RTL10: variants seen among roughly 807,000 people sequenced by gnomAD.
RTL10 encodes the protein retrotransposon Gag like 10.
For missense variants in RTL10, 477 were observed against 470.7 expected, an observed-to-expected ratio of 1.01 and a Z score of -0.12; for synonymous variants, 199 against 188.4, an observed-to-expected ratio of 1.06 and a Z score of -0.46.
Position 19,852,182 on chromosome 22 carries a change from C to A in RTL10, c.80G>T (p.Trp27Leu). Residue 27 changes from tryptophan (W) to leucine (L), a missense_variant, in exon 3 of 3, where the codon TGG (tryptophan) becomes TTG (leucine). Transcript: ENST00000328554. ...AAANYANAHP[W>L]QQMDKASPGV... ...AGGAGACGCCTTGTCCATCTGCTGCCATGGATGTGCGTTGGCATAATTGGC... is the reference window on the plus strand; with the variant it reads ...AGGAGACGCCTTGTCCATCTGCTGCAATGGATGTGCGTTGGCATAATTGGC... 6.2e-7 allele frequency: 1 copy of A among 1,613,978 alleles called. No individual in the cohort carries two copies. The highest frequency in any genetic ancestry group is 8.5e-7 in the Non-Finnish European group (1 of 1,180,026).
At position 19,848,917 on chromosome 22, in the gene RTL10, C is replaced by T. The variant is rs1938028631; in HGVS notation, c.*2250G>A. 1 of 985,092 alleles carries T rather than the reference C, an allele frequency of 1.0e-6. No individual in the cohort carries two copies. The highest frequency in any genetic ancestry group is 1.7e-5 in the African/African-American group (1 of 57,234). 61.0% of individuals were successfully genotyped at this position (985,092 alleles called of 1,614,324 possible). A position where few individuals can be genotyped will look rare whatever the true frequency, so the allele number is the denominator to read the frequency against. ...GGTAAAGGTCAGCTGGGTGACTAGGCTGTCCATCCTAGAGAGCAACTCTGG... is the reference window on the plus strand; with the variant it reads ...GGTAAAGGTCAGCTGGGTGACTAGGTTGTCCATCCTAGAGAGCAACTCTGG... On this transcript the variant is annotated 3_prime_UTR_variant, in exon 3 of 3. Coordinates refer to ENST00000328554, the MANE Select transcript of RTL10 (RefSeq NM_024627.6).
In RTL10 at chr22:19,850,797, G is replaced by C. The variant is rs1254837684; in HGVS notation, c.*370C>G. 4.4e-5 allele frequency: 56 copies of C among 1,286,026 alleles called. No homozygotes were observed. Among genetic ancestry groups the C allele is most frequent in the Non-Finnish European group, 5.3e-5 (54 of 1,020,770 alleles). The allele number at this position is 1,286,026 out of a possible 1,614,324, so 79.7% of individuals were successfully genotyped here. On this transcript the variant is annotated 3_prime_UTR_variant, in exon 3 of 3. Transcript: ENST00000328554. ...ACCCAGTTCAGTCCCAGCCAGTGTG[G>C]AAGACACCAAGGGGGGTGTTTTATG... is the stretch of plus-strand genomic sequence containing the variant.
rs956300274 is a variant in RTL10 at position 19,850,700 on chromosome 22, G to A, written c.*467C>T. 30 of 1,233,844 alleles carry A rather than the reference G, an allele frequency of 2.4e-5. No homozygotes were observed. Among genetic ancestry groups the A allele is most frequent in the Non-Finnish European group, 3.0e-5 (30 of 990,086 alleles). 76.4% of individuals were successfully genotyped at this position (1,233,844 alleles called of 1,614,324 possible). ...TGGGACAGAAGTCACAGGGAGCAGA[G>A]AGGGTGGGGCTAGGGGGACAGACAC... On this transcript the variant is annotated 3_prime_UTR_variant, in exon 3 of 3. Transcript: ENST00000328554.
Position 19,849,372 on chromosome 22 carries a change from G to GTTT in RTL10, c.*1792_*1794dup. 8.7e-5 allele frequency: 58 copies of GTTT among 665,278 alleles called. No homozygotes were observed. The highest frequency in any genetic ancestry group is 3.0e-4 in the East Asian group (2 of 6,600). 41.2% of individuals were successfully genotyped at this position (665,278 alleles called of 1,614,324 possible). ...CTAAATAAGGTTTTTGTTTTTTGTT[G>GTTT]TTTTTTTTTTTTTGGGATGGAGTTT... On this transcript the variant is annotated 3_prime_UTR_variant, in exon 3 of 3. Transcript: ENST00000328554.
At position 19,846,995 on chromosome 22, in the gene RTL10, T is replaced by C; in HGVS notation, c.*4172A>G. On this transcript the variant is annotated 3_prime_UTR_variant, in exon 3 of 3. Coordinates refer to ENST00000328554, the MANE Select transcript of RTL10 (RefSeq NM_024627.6). Reference sequence around the variant, plus strand: ...CAGCACCAACCAGCCCCACGCTGGGTGGCTGCTTGTACTTCTCCATACTGA... The same window carrying C: ...CAGCACCAACCAGCCCCACGCTGGGCGGCTGCTTGTACTTCTCCATACTGA... 2.0e-6 allele frequency: 2 copies of C among 985,390 alleles called. No homozygotes were observed. The highest frequency in any genetic ancestry group is 4.7e-5 in the South Asian group (1 of 21,274). 61.0% of individuals were successfully genotyped at this position (985,390 alleles called of 1,614,324 possible). A position where few individuals can be genotyped will look rare whatever the true frequency, so the allele number is the denominator to read the frequency against.
chr22:19,846,473 G>T lies in RTL10; in HGVS notation c.*4694C>A. 1 of 985,172 alleles carries T rather than the reference G, an allele frequency of 1.0e-6. No homozygotes were observed. The highest frequency in any genetic ancestry group is 1.2e-6 in the Non-Finnish European group (1 of 829,732). 61.0% of individuals were successfully genotyped at this position (985,172 alleles called of 1,614,324 possible). A position where few individuals can be genotyped will look rare whatever the true frequency, so the allele number is the denominator to read the frequency against. ...TGGGCCCCAGAACCCAGGGCCTGGG[G>T]GACTCTGCACACAGGCATGTGGAGA... On this transcript the variant is annotated 3_prime_UTR_variant, in exon 3 of 3. Transcript: ENST00000328554.
Position 19,849,851 on chromosome 22 carries a change from C to T in RTL10, c.*1316G>A. 1 of 985,472 alleles carries T rather than the reference C, an allele frequency of 1.0e-6. No homozygotes were observed. The highest frequency in any genetic ancestry group is 1.2e-6 in the Non-Finnish European group (1 of 829,938). 61.0% of individuals were successfully genotyped at this position (985,472 alleles called of 1,614,324 possible). A position where few individuals can be genotyped will look rare whatever the true frequency, so the allele number is the denominator to read the frequency against. Reference sequence around the variant, plus strand: ...GTCCAAGCACCAGAGTGGGCACACACTGCACACACTGGGCGGCTGTACCTG... The same window carrying T: ...GTCCAAGCACCAGAGTGGGCACACATTGCACACACTGGGCGGCTGTACCTG... On this transcript the variant is annotated 3_prime_UTR_variant, in exon 3 of 3. Transcript: ENST00000328554.
In RTL10 at chr22:19,846,647, G is replaced by T; in HGVS notation, c.*4520C>A. On this transcript the variant is annotated 3_prime_UTR_variant, in exon 3 of 3. Transcript: ENST00000328554. ...CCCTAGTACTTACATTTGAAGACAG[G>T]GTCTTTAAAGAGGTAATTCAGGGTT... The T allele has an allele frequency of 3.9e-6, 3 of 777,598 alleles. No individual in the cohort carries two copies. Among genetic ancestry groups the T allele is most frequent in the Non-Finnish European group, 4.7e-6 (3 of 639,926 alleles). The allele number at this position is 777,598 out of a possible 1,614,324, so 48.2% of individuals were successfully genotyped here. A position where few individuals can be genotyped will look rare whatever the true frequency, so the allele number is the denominator to read the frequency against.
In RTL10 at chr22:19,848,285, C is replaced by T. The variant is rs1295810845; in HGVS notation, c.*2882G>A. On this transcript the variant is annotated 3_prime_UTR_variant, in exon 3 of 3. Transcript: ENST00000328554. ...AGAAAGCAGAGCCAGCACCATGGCC[C>T]GTCCCTGAGCATGTCCAGCAAACCC... 7.1e-6 allele frequency: 7 copies of T among 985,320 alleles called. No individual in the cohort carries two copies. The highest frequency in any genetic ancestry group is 9.4e-5 in the South Asian group (2 of 21,290). The allele number at this position is 985,320 out of a possible 1,614,324, so 61.0% of individuals were successfully genotyped here. A position where few individuals can be genotyped will look rare whatever the true frequency, so the allele number is the denominator to read the frequency against.
Position 19,848,356 on chromosome 22 carries a change from G to A in RTL10, c.*2811C>T, listed in dbSNP as rs1234443345. The A allele has an allele frequency of 3.6e-5, 35 of 985,370 alleles. No homozygotes were observed. Among genetic ancestry groups the A allele is most frequent in the Non-Finnish European group, 4.1e-5 (34 of 829,978 alleles). The allele number at this position is 985,370 out of a possible 1,614,324, so 61.0% of individuals were successfully genotyped here. On this transcript the variant is annotated 3_prime_UTR_variant, in exon 3 of 3. Coordinates refer to ENST00000328554, the MANE Select transcript of RTL10 (RefSeq NM_024627.6). ...GAGCACCCTGCCTTCGGGTCTGCCA[G>A]TGTGTGGGGGCCAGAAGAGAAAAAC...
chr22:19,852,114 G>A lies in RTL10; in HGVS notation c.148C>T (p.Pro50Ser). 2 of 1,614,222 alleles carry A rather than the reference G, an allele frequency of 1.2e-6. No individual in the cohort carries two copies. The highest frequency in any genetic ancestry group is 1.7e-6 in the Non-Finnish European group (2 of 1,180,048). ...TPLVDPWIERPCCGDTVCVRT... is the reference protein window; with the variant it reads ...TPLVDPWIERSCCGDTVCVRT... ...ACACACACGGTGTCCCCACAGCAGG[G>A]CCGCTCAATCCAGGGATCCACAAGG... The change falls in exon 3 of 3, where the codon CCC becomes TCC. Residue 50 changes from proline (P) to serine (S), a missense_variant. Physicochemically the swap from Pro to Ser is moderately conservative, Grantham distance 74. Transcript: ENST00000328554.
rs752842468 is a variant in RTL10, at chr22:19,851,717, G to A, written c.545C>T (p.Pro182Leu). Residue 182 changes from proline (P) to leucine (L), a missense_variant, in exon 3 of 3, where the codon CCG becomes CTG. Pro to Leu is a moderately conservative substitution (Grantham distance 98, BLOSUM62 -3). Transcript: ENST00000328554. ...CQDLKEVVQDPNSFAEYHAVV... is the reference protein window; with the variant it reads ...CQDLKEVVQDLNSFAEYHAVV... Reference sequence around the variant, plus strand: ...AGCATGGTACTCAGCAAAACTGTTCGGGTCTTGAACAACTTCCTTGAGATC... The same window carrying A: ...AGCATGGTACTCAGCAAAACTGTTCAGGTCTTGAACAACTTCCTTGAGATC... 25 of 1,603,418 alleles carry A rather than the reference G, an allele frequency of 1.6e-5. No homozygotes were observed. The East Asian group carries it at 2.2e-4, about 14-fold the overall frequency.
Position 19,848,322 on chromosome 22 carries a change from G to A in RTL10, c.*2845C>T, listed in dbSNP as rs1938014263. 1 of 985,466 alleles carries A rather than the reference G, an allele frequency of 1.0e-6. No individual in the cohort carries two copies. The allele number at this position is 985,466 out of a possible 1,614,324, so 61.0% of individuals were successfully genotyped here. On this transcript the variant is annotated 3_prime_UTR_variant, in exon 3 of 3. Transcript: ENST00000328554. Reference sequence around the variant, plus strand: ...TGTCCAGCAAACCCTGCCAGGCTCTGCAGCTCCTGAGCACCCTGCCTTCGG... The same window carrying A: ...TGTCCAGCAAACCCTGCCAGGCTCTACAGCTCCTGAGCACCCTGCCTTCGG...
At position 19,847,193 on chromosome 22, in the gene RTL10, G is replaced by A. The variant is rs370512256; in HGVS notation, c.*3974C>T. On this transcript the variant is annotated 3_prime_UTR_variant, in exon 3 of 3. Coordinates refer to ENST00000328554, the MANE Select transcript of RTL10 (RefSeq NM_024627.6). ...GAGAAATATGTCCAGGTAGGCTGTC[G>A]TCAGCACAGGTCTGACAGGCCCCAG... 2.8e-4 allele frequency: 273 copies of A among 985,398 alleles called. No homozygotes were observed. The African/African-American group carries it at 3.5e-3, about 13-fold the overall frequency. The allele number at this position is 985,398 out of a possible 1,614,324, so 61.0% of individuals were successfully genotyped here. A position where few individuals can be genotyped will look rare whatever the true frequency, so the allele number is the denominator to read the frequency against.
Position 19,848,903 on chromosome 22 carries a change from G to A in RTL10, c.*2264C>T, listed in dbSNP as rs1938028136. The A allele has an allele frequency of 1.0e-6, 1 of 985,290 alleles. No individual in the cohort carries two copies. The highest frequency in any genetic ancestry group is 4.7e-5 in the South Asian group (1 of 21,290). The allele number at this position is 985,290 out of a possible 1,614,324, so 61.0% of individuals were successfully genotyped here. On this transcript the variant is annotated 3_prime_UTR_variant, in exon 3 of 3. Coordinates refer to ENST00000328554, the MANE Select transcript of RTL10 (RefSeq NM_024627.6). The stretch of plus-strand genomic sequence containing the variant: ...AGCCTGTGGGACAGGGTAAAGGTCA[G>A]CTGGGTGACTAGGCTGTCCATCCTA...
Position 19,847,239 on chromosome 22 carries a change from A to C in RTL10, c.*3928T>G, listed in dbSNP as rs896127549. 6.5e-5 allele frequency: 64 copies of C among 985,372 alleles called. No individual in the cohort carries two copies. Among genetic ancestry groups the C allele is most frequent in the Non-Finnish European group, 7.0e-5 (58 of 829,960 alleles). 61.0% of individuals were successfully genotyped at this position (985,372 alleles called of 1,614,324 possible). On this transcript the variant is annotated 3_prime_UTR_variant, in exon 3 of 3. Coordinates refer to ENST00000328554, the MANE Select transcript of RTL10 (RefSeq NM_024627.6). ...CCCAGCCACGGTGGCCCACAGGTGC[A>C]AGCAAGAAATAAGCAGTGCCAACTG...
rs1938031997 is a variant in RTL10 at position 19,849,057 on chromosome 22, G to A, written c.*2110C>T. On this transcript the variant is annotated 3_prime_UTR_variant, in exon 3 of 3. Transcript: ENST00000328554. ...GATGGGGCCTGAGTCATCGGACGGA[G>A]GGCAGCTGTGACCTGGCACAGAAGC... 2 of 985,458 alleles carry A rather than the reference G, an allele frequency of 2.0e-6. No homozygotes were observed. Among genetic ancestry groups the A allele is most frequent in the South Asian group, 9.4e-5 (2 of 21,270 alleles). 61.0% of individuals were successfully genotyped at this position (985,458 alleles called of 1,614,324 possible).
Position 19,852,439 on chromosome 22 carries a change from TGAG to T in RTL10, c.-181_-179del. ...CTGACAGCTGCAGCCTCAGGAGAGCTGAGAAGAGCTGAGAGACTGTCAGTCGCA... is the reference window on the plus strand; with the variant it reads ...CTGACAGCTGCAGCCTCAGGAGAGCTAAGAGCTGAGAGACTGTCAGTCGCA... On this transcript the variant is annotated 5_prime_UTR_variant, in exon 3 of 3. Transcript: ENST00000328554. 2 of 632,948 alleles carry T rather than the reference TGAG, an allele frequency of 3.2e-6. No homozygotes were observed. Among genetic ancestry groups the T allele is most frequent in the Non-Finnish European group, 5.5e-6 (2 of 360,362 alleles). The allele number at this position is 632,948 out of a possible 1,614,324, so 39.2% of individuals were successfully genotyped here.
At position 19,849,887 on chromosome 22, in the gene RTL10, G is replaced by C; in HGVS notation, c.*1280C>G. The C allele has an allele frequency of 3.0e-6, 3 of 985,454 alleles. No individual in the cohort carries two copies. The highest frequency in any genetic ancestry group is 3.6e-6 in the Non-Finnish European group (3 of 829,962). The allele number at this position is 985,454 out of a possible 1,614,324, so 61.0% of individuals were successfully genotyped here. ...GGGCGGCTGTACCTGCCTATCCTGT[G>C]GTAAACTTGGCTCCAGGAGCTTCCA... On this transcript the variant is annotated 3_prime_UTR_variant, in exon 3 of 3. Transcript: ENST00000328554.
Sources: allele counts gnomAD v4.1 joint callset, GRCh38; gene constraint gnomAD v4.1.1; transcripts MANE v1.5; gene names NCBI Gene and HGNC (gene_info 2026-07-23, HGNC 2026-07-21).